GTPBP6: variants seen among roughly 807,000 people sequenced by gnomAD.
GTPBP6 encodes the protein putative GTP-binding protein 6.
GTPBP6 carries 33 observed loss-of-function variants against 28.9 expected under a neutral mutation model. That is an observed-to-expected ratio of 1.14 (90% CI 0.87 to 1.53). GTPBP6 has a LOEUF of 1.53. Among genes scored for constraint, GTPBP6 ranks in the 40% most tolerant of loss-of-function variants. GTPBP6 has a pLI of 0.00. For synonymous variants in GTPBP6, 231 were observed against 192.7 expected (o/e 1.20, Z -1.65); for missense variants, 507 against 408.3 (o/e 1.24, Z -2.08).
At chrX:306,793 C>T (rs1250663020) in intron 9 of GTPBP6, among the ~76,000 whole-genome samples, 1 of 150,628 alleles carries the variant, frequency 6.6e-6, no homozygotes, top group Non-Finnish European at 1.5e-5. Context: ...TTTTCACTGT[C>T]AGCATAATTA....
chrX:312,653 G>A (rs775211034), intron 6 of GTPBP6, 113 bp downstream of exon 6: 35 of 1,111,388 alleles, frequency 3.1e-5, no homozygotes, highest in Non-Finnish European at 4.0e-5. Context: ...CGTGCTCACC[G>A]CAGCTGTCGT....
intron 6 of GTPBP6, 65 bp from the exon 7 acceptor site, chrX:311,692 C>G: frequency 7.5e-7 from 1 of 1,332,716 alleles, no homozygotes; most frequent in South Asian, 1.2e-5. Flanking sequence ...GCGCCGCAGC[C>G]AGGCCCTCCA....
chrX:312,908 C>G (rs1255954248), exon 6 of GTPBP6: 5 of 1,612,318 alleles, frequency 3.1e-6, no homozygotes, highest in Non-Finnish European at 4.2e-6. Flanking sequence ...GCTGCTGCAG[C>G]TGCATGAAGG....
chrX:306,982 G>T (rs2070182991), intron 9 of GTPBP6, among the ~76,000 whole-genome samples: 1 of 148,370 alleles, frequency 6.7e-6, no homozygotes, highest in Admixed American at 6.7e-5. Flanking sequence ...GTTGTATGCA[G>T]TCAGAAATGT....
At chrX:318,789 G>C (rs2070487292) in exon 1 of GTPBP6, 1 of 306,260 alleles carries the variant, frequency 3.3e-6, no homozygotes, top group Non-Finnish European at 6.0e-6. Context: ...GGCCCACATG[G>C]CGCGTCTGGA....
chrX:313,468 C>A (rs1175593500), intron 5 of GTPBP6, among the ~76,000 whole-genome samples: 1 of 151,546 alleles, frequency 6.6e-6, no homozygotes, highest in Non-Finnish European at 1.5e-5. Flanking sequence ...TGCCCTAGAG[C>A]CTCCAGAGGG....
At chrX:304,957 G>A (rs1228252177) in exon 10 of GTPBP6, 7 of 1,503,202 alleles carry the variant, frequency 4.7e-6, no homozygotes, top group East Asian at 2.5e-5. Flanking sequence ...GACGGGTGCA[G>A]AACCAGACAA....
At chrX:307,264 C>G (rs2070190113) in intron 9 of GTPBP6, 96 bp downstream of exon 9, 1 of 1,142,258 alleles carries the variant, frequency 8.8e-7, no homozygotes, top group Non-Finnish European at 1.3e-6. Context: ...TCTCGGGGAT[C>G]TCACAGCTCC....
In GTPBP6 at chrX:305,415, G is replaced by A. The variant is rs181759871; in HGVS notation, c.1428-218C>T. 4.4e-3 allele frequency among the ~76,000 whole-genome samples: 657 copies of A among 149,024 alleles called. 5 individuals carry two copies. Among genetic ancestry groups the A allele is most frequent in the African/African-American group, 0.016 (616 of 39,532 alleles). On this transcript the variant is annotated intron_variant, in intron 9 of 9. Coordinates refer to ENST00000326153, the Ensembl canonical transcript of GTPBP6. ...CAGCTCACTGCAAGCTCCACCTCCC[G>A]GGTTCAAGTGATTCTCCTGCCTCAG...
chrX:311,347 G>GTGTGTCTGAGGGCCCGACCCCTGGCTGTA (rs1569350221), intron 7 of GTPBP6, 72 bp downstream of exon 7: 2 of 1,146,850 alleles, frequency 1.7e-6, no homozygotes, highest in African/African-American at 3.2e-5. Context: ...CCCTGGCTGT[G>GTGTGTCTGAGGGCCCGACCCCTGGCTGTA]TGTGTCTGAG....
chrX:312,113 C>T (rs1249218032), intron 6 of GTPBP6: 17 of 288,872 alleles, frequency 5.9e-5, no homozygotes, highest in Admixed American at 2.3e-4. Context: ...ATTGTATAGA[C>T]GGGTGGTGGT....
At position 307,821 on chromosome X, in the gene GTPBP6, G is replaced by A. The variant is rs368125667; in HGVS notation, c.1185C>T (p.Ser395=). The A allele has an allele frequency of 6.4e-6, 10 of 1,552,076 alleles. No individual in the cohort carries two copies. In the East Asian group the frequency reaches 9.3e-5, roughly 14 times the overall value. The change falls in exon 8 of 10, where the codon AGC becomes AGT. Residue 395 remains serine, a synonymous_variant. Transcript: ENST00000326153. ...GCAGGCCACGCAGCGTGGACAGAAC[G>A]CTGCATTTCTGGAGCTCCGCCTCGG...
chrX:315,121 T>C lies in GTPBP6; in HGVS notation c.559-101A>G. 3 of 398,212 alleles carry C rather than the reference T, an allele frequency of 7.5e-6. No individual in the cohort carries two copies. In the East Asian group the frequency reaches 1.1e-4, roughly 14 times the overall value. 24.7% of individuals were successfully genotyped at this position (398,212 alleles called of 1,614,324 possible). A position where few individuals can be genotyped will look rare whatever the true frequency, so the allele number is the denominator to read the frequency against. The stretch of plus-strand genomic sequence containing the variant: ...CGTCTCTAATGCCTTAACCCCACCG[T>C]GTCCCCATCTGTCCCCATCTGTCCC... On this transcript the variant is annotated intron_variant, in intron 3 of 9. Transcript: ENST00000326153.
chrX:305,308 C>A, intron 9 of GTPBP6, 111 bp from the exon 10 acceptor site: 1 of 819,360 alleles, frequency 1.2e-6, no homozygotes, highest in South Asian at 1.6e-5. Flanking sequence ...TTCATCAGAC[C>A]GTCCTGTTTC....
At chrX:313,568 T>TTTGAAATA (rs1314035571) in intron 5 of GTPBP6, among the ~76,000 whole-genome samples, 1 of 152,164 alleles carries the variant, frequency 6.6e-6, no homozygotes, top group Non-Finnish European at 1.5e-5. Flanking sequence ...TGGGACCTTA[T>TTTGAAATA]TTGAAAATAA....
exon 1 of GTPBP6, chrX:318,598 T>C: frequency 2.5e-6 from 1 of 397,682 alleles, no homozygotes. Context: ...CCCGTGCGGC[T>C]TCGGCCGCCG....
intron 4 of GTPBP6, 125 bp downstream of exon 4, chrX:314,765 C>G (rs1236123586): frequency 1.7e-5 from 7 of 411,722 alleles, no homozygotes; most frequent in African/African-American, 6.1e-5. Flanking sequence ...CGTGAGCCAC[C>G]GCGCCCGGCC....
At chrX:316,767 G>T (rs2070447745) in intron 2 of GTPBP6, 147 bp downstream of exon 2, 2 of 397,822 alleles carry the variant, frequency 5.0e-6, no homozygotes, top group African/African-American at 4.1e-5. Context: ...ACTGGCGTGT[G>T]CTCCCAGCTC....
At position 311,595 on chromosome X, in the gene GTPBP6, CGCCCGTCAGT is replaced by C. The variant is rs772179989; in HGVS notation, c.939_948del (p.Leu314MetfsTer27). On this transcript the variant is annotated frameshift_variant, in exon 7 of 10. Transcript: ENST00000326153. LOFTEE classifies it high-confidence loss of function. ...TGGTCCCGTGGCTGGATGGCGGCAT[CGCCCGTCAGT>C]GCCTTGATCAGCGTGGTCTTTCCTA... The C allele has an allele frequency of 6.2e-7, 1 of 1,612,188 alleles. No individual in the cohort carries two copies. Among genetic ancestry groups the C allele is most frequent in the Non-Finnish European group, 8.5e-7 (1 of 1,179,532 alleles).
Sources: gnomAD v4.1 joint callset for allele counts (sites outside exome capture counted in the v4.1 genomes callset) on GRCh38, gnomAD v4.1.1 for gene constraint, MANE v1.5 for transcripts, NCBI Gene and HGNC (gene_info 2026-07-23, HGNC 2026-07-21) for gene names.